Variants in PARP4 observed in about 807,000 individuals in gnomAD.
PARP4 encodes the protein protein mono-ADP-ribosyltransferase PARP4.
In PARP4, 120 loss-of-function variants were observed where a neutral mutation model predicts 187.7. The observed-to-expected ratio is 0.64, with a 90% CI of 0.55 to 0.74. PARP4 has a LOEUF of 0.74. PARP4 is among the 30% of genes least tolerant of loss of function. PARP4 has a pLI of 0.00. For missense variants in PARP4, 1,836 were observed against 2,070.5 expected (o/e 0.89, Z 2.20); for synonymous variants, 654 against 740.9 (o/e 0.88, Z 1.90).
At chr13:24,449,638 C>T in intron 25 of PARP4, 80 bp downstream of exon 25, 1 of 827,482 alleles carries the variant, frequency 1.2e-6, no homozygotes, top group African/African-American at 1.7e-5. Flanking sequence ...CAAGGAAACA[C>T]AGATATTCCT....
At chr13:24,494,502 A>C in intron 7 of PARP4, 71 bp downstream of exon 7, 1 of 1,394,856 alleles carries the variant, frequency 7.2e-7, no homozygotes. Flanking sequence ...CCAGTCTTTT[A>C]TTTGTAATAG....
At chr13:24,441,993 A>G in intron 29 of PARP4, 25 bp from the exon 30 acceptor site, 1 of 1,554,006 alleles carries the variant, frequency 6.4e-7, no homozygotes, top group Non-Finnish European at 8.7e-7. Context: ...AAATAGATTA[A>G]ATCAAACAGA....
At chr13:24,468,084 A>G (rs1464280853) in intron 17 of PARP4, among the ~76,000 whole-genome samples, 1 of 152,204 alleles carries the variant, frequency 6.6e-6, no homozygotes, top group East Asian at 1.9e-4. Flanking sequence ...TGTCACCCTC[A>G]GAGGCGATAC....
intron 24 of PARP4, among the ~76,000 whole-genome samples, chr13:24,451,209 C>T (rs1871500335): frequency 6.6e-6 from 1 of 152,208 alleles, no homozygotes; most frequent in Non-Finnish European, 1.5e-5. Flanking sequence ...GAGCAGGGGG[C>T]AGGGAGGGGC....
At chr13:24,471,476 C>T (rs9553309) in intron 15 of PARP4, among the ~76,000 whole-genome samples, 82,808 of 151,974 alleles carry the variant, frequency 0.54, 22,725 homozygotes, top group South Asian at 0.66. Flanking sequence ...GAAACTAATA[C>T]AATGTAACAA....
At chr13:24,468,400 CTTTTT>C (rs140804702) in intron 17 of PARP4, among the ~76,000 whole-genome samples, 256 of 121,222 alleles carry the variant, frequency 2.1e-3, no homozygotes, top group Non-Finnish European at 2.6e-3. Flanking sequence ...TATCACACTC[CTTTTT>C]TTTTTTTTTT....
At position 24,427,116 on chromosome 13, in the gene PARP4, G is replaced by A. The variant is rs779375594; in HGVS notation, c.4847-518C>T. Among the ~76,000 whole-genome samples the A allele has an allele frequency of 7.5e-4, 114 of 152,068 alleles. 1 individual carries two copies. Among genetic ancestry groups the A allele is most frequent in the Middle Eastern group, 3.4e-3 (1 of 294 alleles). On this transcript the variant is annotated intron_variant, in intron 32 of 33. Transcript: ENST00000381989. Reference sequence around the variant, plus strand: ...ACTTGCCATCTTCAATAACCAAAGAGCCATGAAGTTCACTAAAAGAAATCC... The same window carrying A: ...ACTTGCCATCTTCAATAACCAAAGAACCATGAAGTTCACTAAAAGAAATCC...
chr13:24,426,469 G>C lies in PARP4; in HGVS notation c.4976C>G (p.Ser1659Cys), dbSNP rs773569597. ...SLMKMDDASISRNIPWAFEAI... is the reference protein window; with the variant it reads ...SLMKMDDASICRNIPWAFEAI... The stretch of plus-strand genomic sequence containing the variant: ...ATAATACTATAGTTAAAGCCACCTG[G>C]AAATAGAAGCGTCATCCATTTTCAT... The change falls in exon 33 of 34, where the codon TCC becomes TGC. Residue 1659 changes from serine (S) to cysteine (C), a missense_variant. This residue lies in a region of PARP4 where 45 missense variants were observed against 53.1 expected (regional missense o/e 0.85). Coordinates refer to ENST00000381989, the MANE Select transcript of PARP4 (RefSeq NM_006437.4). The C allele has an allele frequency of 2.5e-6, 4 of 1,607,100 alleles. No individual in the cohort carries two copies. The East Asian group carries it at 6.7e-5, about 27-fold the overall frequency.
At chr13:24,483,492 CAAAAAA>C (rs745935813) in intron 12 of PARP4, among the ~76,000 whole-genome samples, 1 of 108,016 alleles carries the variant, frequency 9.3e-6, no homozygotes, top group Non-Finnish European at 1.8e-5. Flanking sequence ...GACTCCGTCT[CAAAAAA>C]AAAAAAAAAA....
chr13:24,469,822 A>C (rs1872653934), intron 16 of PARP4, 72 bp downstream of exon 16: 1 of 1,539,666 alleles, frequency 6.5e-7, no homozygotes, highest in Admixed American at 2.0e-5. Flanking sequence ...GGGACTCCAA[A>C]AACAAAGGTT....
intron 12 of PARP4, among the ~76,000 whole-genome samples, chr13:24,479,112 A>T (rs1209919759): frequency 6.6e-6 from 1 of 152,236 alleles, no homozygotes; most frequent in African/African-American, 2.4e-5. Flanking sequence ...GGGAATCAGC[A>T]GCTTTAATAA....
intron 18 of PARP4, 141 bp downstream of exon 18, chr13:24,459,831 A>C (rs559771597): frequency 3.2e-6 from 2 of 630,496 alleles, no homozygotes; most frequent in African/African-American, 3.7e-5. Context: ...AATGTATCTA[A>C]ATGCATGTCA....
Position 24,435,115 on chromosome 13 carries a change from G to A in PARP4, c.4026C>T (p.Ala1342=), listed in dbSNP as rs372507681. 5.6e-6 allele frequency: 9 copies of A among 1,614,058 alleles called. No individual in the cohort carries two copies. In the Middle Eastern group the frequency reaches 8.2e-4, roughly 147 times the overall value. ...RAHSPASLSF[A]SYRQVASFGS... ...CGAAACTAGCTACCTGACGATATGA[G>A]GCAAAAGACAAGGAAGCAGGACTGT... Residue 1342 remains alanine, a synonymous_variant, in exon 31 of 34, where the codon GCC becomes GCT. Coordinates refer to ENST00000381989, the MANE Select transcript of PARP4 (RefSeq NM_006437.4).
Position 24,471,472 on chromosome 13 carries a change from A to T in PARP4, c.1915-1447T>A, listed in dbSNP as rs141587224. Among the ~76,000 whole-genome samples the T allele has an allele frequency of 1.5e-3, 225 of 152,314 alleles. 3 individuals carry two copies. In the South Asian group the frequency reaches 0.015, roughly 10 times the overall value. On this transcript the variant is annotated intron_variant, in intron 15 of 33. Coordinates refer to ENST00000381989, the MANE Select transcript of PARP4 (RefSeq NM_006437.4). ...TTTACCAGGCCTTAGAACAGAAACTAATACAATGTAACAAATTTTGACATC... is the reference window on the plus strand; with the variant it reads ...TTTACCAGGCCTTAGAACAGAAACTTATACAATGTAACAAATTTTGACATC...
chr13:24,438,610 G>A lies in PARP4; in HGVS notation c.3667-3136C>T, dbSNP rs544635489. Among the ~76,000 whole-genome samples, 6 of 152,318 alleles carry A rather than the reference G, an allele frequency of 3.9e-5. No homozygotes were observed. In the South Asian group the frequency reaches 1.2e-3, roughly 32 times the overall value. On this transcript the variant is annotated intron_variant, in intron 30 of 33. Transcript: ENST00000381989. Reference sequence around the variant, plus strand: ...CTCAATGTGCTTTCATGAGCGGGAGGGAACGAAGTGGATTTGGGGTTGGTG... The same window carrying A: ...CTCAATGTGCTTTCATGAGCGGGAGAGAACGAAGTGGATTTGGGGTTGGTG...
Position 24,477,730 on chromosome 13 carries a change from G to A in PARP4, c.1760C>T (p.Pro587Leu). 1 of 1,589,310 alleles carries A rather than the reference G, an allele frequency of 6.3e-7. No individual in the cohort carries two copies. The highest frequency in any genetic ancestry group is 8.6e-7 in the Non-Finnish European group (1 of 1,167,266). ...SDHTELEEYR[P>L]EFSNFSKVED... ...AACCTTTGAAAAATTTGAAAACTCA[G>A]GTCTGTATTCCTCTAATTCAGTATG... Residue 587 changes from proline to leucine, a missense_variant, in exon 14 of 34, where the codon CCT becomes CTT. Pro to Leu is a moderately conservative substitution (Grantham distance 98). This residue lies in a region of PARP4 where 1,147 missense variants were observed against 1,214.2 expected (regional missense o/e 0.94). Coordinates refer to ENST00000381989, the MANE Select transcript of PARP4 (RefSeq NM_006437.4).
chr13:24,431,509 T>C (rs1158775588), intron 31 of PARP4, 33 bp from the exon 32 acceptor site: 2 of 1,358,572 alleles, frequency 1.5e-6, no homozygotes, highest in Non-Finnish European at 2.1e-6. Context: ...ATAAGTTATG[T>C]TATTCACATT....
chr13:24,503,029 C>T (rs1869396938), intron 2 of PARP4, among the ~76,000 whole-genome samples: 1 of 152,174 alleles, frequency 6.6e-6, no homozygotes, highest in South Asian at 2.1e-4. Flanking sequence ...CTTTGGATTT[C>T]TATTTTTACA....
chr13:24,508,022 C>T (rs555116410), intron 1 of PARP4, among the ~76,000 whole-genome samples: 11 of 152,186 alleles, frequency 7.2e-5, no homozygotes, highest in Non-Finnish European at 1.5e-4. Context: ...CTTTCCATAA[C>T]ATTAGCATGG....
Sources: gnomAD v4.1 joint callset for allele counts (sites outside exome capture counted in the v4.1 genomes callset) on GRCh38, gnomAD v4.1.1 for gene constraint, gnomAD v4.1.1 regional missense constraint, MANE v1.5 for transcripts, NCBI Gene and HGNC (gene_info 2026-07-23, HGNC 2026-07-21) for gene names.